BLTP1: variants seen among roughly 807,000 people sequenced by gnomAD.
BLTP1 encodes the protein fragile site-associated protein.
the BLTP1 span, chr4:122,226,948 T>C: frequency 5.5e-6 from 4 of 731,176 alleles, no homozygotes; most frequent in Non-Finnish European, 7.8e-6. Context: ...AAACTACAGT[T>C]TTTTCAGTTA....
At chr4:122,154,362 G>T in the BLTP1 span, 1 of 984,810 alleles carries the variant, frequency 1.0e-6, no homozygotes, top group Admixed American at 6.2e-5. Context: ...TATTGCTAGG[G>T]AATGGGGGTG....
the BLTP1 span, chr4:122,226,454 A>G: frequency 1.6e-6 from 2 of 1,237,072 alleles, no homozygotes; most frequent in Non-Finnish European, 2.0e-6. Context: ...TGCTGAAGTG[A>G]AATTTTTCAG....
At chr4:122,166,423 A>G in the BLTP1 span, among the ~76,000 whole-genome samples, 46 of 152,212 alleles carry the variant, frequency 3.0e-4, no homozygotes, top group African/African-American at 1.1e-3. Flanking sequence ...GTTCCGTTCC[A>G]TTGGTCTATA....
chr4:122,175,948 C>A, the BLTP1 span: 2 of 991,936 alleles, frequency 2.0e-6, no homozygotes, highest in Non-Finnish European at 3.2e-6. Flanking sequence ...TTAAAATGTT[C>A]AATCATATAA....
the BLTP1 span, among the ~76,000 whole-genome samples, chr4:122,214,842 G>A: frequency 6.6e-6 from 1 of 151,648 alleles, no homozygotes; most frequent in Non-Finnish European, 1.5e-5. Flanking sequence ...GAACTCCTAG[G>A]CTCAAGTGAT....
At chr4:122,192,421 A>T in the BLTP1 span, 1 of 1,247,724 alleles carries the variant, frequency 8.0e-7, no homozygotes, top group Admixed American at 2.0e-5. Context: ...TTTTAGATGT[A>T]TTTAGATGTA....
the BLTP1 span, chr4:122,183,206 C>G: frequency 1.0e-4 from 36 of 359,262 alleles, no homozygotes; most frequent in Non-Finnish European, 1.4e-4. Flanking sequence ...CATGGTGACA[C>G]GTGCCTGGGG....
At chr4:122,238,124 GA>G in the BLTP1 span, 2 of 1,613,846 alleles carry the variant, frequency 1.2e-6, no homozygotes, top group East Asian at 4.5e-5. Flanking sequence ...GAAAGAATGG[GA>G]AAACAAATCA....
At chr4:122,281,252 G>T in the BLTP1 span, 2 of 957,636 alleles carry the variant, frequency 2.1e-6, no homozygotes, top group South Asian at 9.7e-5. Context: ...TTTGGAATCA[G>T]ACAAATCTGA....
At chr4:122,202,221 T>G in the BLTP1 span, among the ~76,000 whole-genome samples, 1 of 152,138 alleles carries the variant, frequency 6.6e-6, no homozygotes, top group Non-Finnish European at 1.5e-5. Flanking sequence ...AGTAGAAATT[T>G]TGACAGTCCC....
At chr4:122,287,992 G>C in the BLTP1 span, among the ~76,000 whole-genome samples, 80 of 152,010 alleles carry the variant, frequency 5.3e-4, no homozygotes, top group East Asian at 0.012. Context: ...GTATAAGTTT[G>C]TAACGAGGTG....
chr4:122,254,069 A>G, the BLTP1 span: 1 of 814,954 alleles, frequency 1.2e-6, no homozygotes, highest in Non-Finnish European at 1.9e-6. Flanking sequence ...TCAAACCTGA[A>G]GGAGAAGTAA....
the BLTP1 span, chr4:122,346,890 G>T: frequency 1.4e-6 from 2 of 1,449,952 alleles, no homozygotes. Flanking sequence ...TGTCCATTGG[G>T]CCCCTCTAAT....
At chr4:122,258,215 A>G in the BLTP1 span, among the ~76,000 whole-genome samples, 2 of 152,168 alleles carry the variant, frequency 1.3e-5, no homozygotes, top group Non-Finnish European at 2.9e-5. Context: ...TGATGTTTTG[A>G]AAAAAATATT....
chr4:122,268,308 TTATGA>T, the BLTP1 span, among the ~76,000 whole-genome samples: 1 of 152,208 alleles, frequency 6.6e-6, no homozygotes, highest in East Asian at 1.9e-4. Context: ...GGTCCTGTCC[TTATGA>T]TATAACATAT....
the BLTP1 span, chr4:122,197,382 T>C: frequency 9.9e-7 from 1 of 1,008,650 alleles, no homozygotes; most frequent in Non-Finnish European, 1.3e-6. Flanking sequence ...TCTTTTTCAG[T>C]TTTTTAATTA....
the BLTP1 span, chr4:122,209,931 G>A: frequency 1.2e-6 from 2 of 1,610,962 alleles, no homozygotes; most frequent in Non-Finnish European, 1.7e-6. Context: ...TCATGTAAGT[G>A]TTTTTATATA....
At chr4:122,240,848 C>G in the BLTP1 span, among the ~76,000 whole-genome samples, 1 of 151,998 alleles carries the variant, frequency 6.6e-6, no homozygotes, top group African/African-American at 2.4e-5. Context: ...CTAAAAATAC[C>G]TCAAAATAAA....
At chr4:122,234,693 A>G in the BLTP1 span, 1 of 1,380,350 alleles carries the variant, frequency 7.2e-7, no homozygotes, top group South Asian at 1.5e-5. Flanking sequence ...CTTATATTTA[A>G]TTATCTATCA....
Sources: allele counts gnomAD v4.1 joint callset (sites outside exome capture counted in the v4.1 genomes callset), GRCh38; gene constraint gnomAD v4.1.1; transcripts MANE v1.5; gene names NCBI Gene and HGNC (gene_info 2026-07-23, HGNC 2026-07-21).